The following METTL15 variants were observed in gnomAD, a reference collection of about 807,000 sequenced individuals.
METTL15 encodes methyltransferase 15, mitochondrial 12S rRNA N4-cytidine.
Under a neutral mutation model 38.3 loss-of-function variants are expected in METTL15, and 34 were observed. The ratio of observed to expected loss-of-function variants is 0.89; its 90% CI spans 0.68 to 1.18. The LOEUF is 1.18. Ranked by LOEUF, METTL15 falls within the 50% of genes most tolerant of loss-of-function variation. METTL15 has a pLI of 0.00. For missense variants in METTL15, 438 were observed against 498.4 expected (o/e 0.88, Z 1.15); for synonymous variants, 162 against 170.9 (o/e 0.95, Z 0.41).
chr11:28,205,862 G>T (rs1176918019), intron 3 of METTL15, among the ~76,000 whole-genome samples: 1 of 149,672 alleles, frequency 6.7e-6, no homozygotes, highest in Non-Finnish European at 1.5e-5. Flanking sequence ...GGCCAGTGAT[G>T]GTGAGCATTT....
chr11:28,378,761 GTT>G lies in METTL15; in HGVS notation c.*358+16742_*358+16743del, dbSNP rs61227879. Among the ~76,000 whole-genome samples, 1,189 of 123,890 alleles carry G rather than the reference GTT, an allele frequency of 9.6e-3. 10 individuals carry two copies. Among genetic ancestry groups the G allele is most frequent in the South Asian group, 0.045 (171 of 3,820 alleles). 81.3% of individuals were successfully genotyped at this position (123,890 alleles called of 152,430 possible). A position where few individuals can be genotyped will look rare whatever the true frequency, so the allele number is the denominator to read the frequency against. ...GGTTTGAAGTATTCCCTCCTCTTCA[GTT>G]TTTTTTTTTTTTTTTTGAAGATTTT... On this transcript the variant is annotated intron_variant and NMD_transcript_variant, in intron 5 of 7. Coordinates refer to the METTL15 transcript ENST00000532947.
intron 3 of METTL15, among the ~76,000 whole-genome samples, chr11:28,207,281 C>T (rs377146707): frequency 1.3e-5 from 2 of 151,910 alleles, no homozygotes; most frequent in Non-Finnish European, 2.9e-5. Context: ...GAGATACGTC[C>T]CATCAATACC....
chr11:28,122,051 G>A, intron 3 of METTL15: 2 of 698,650 alleles, frequency 2.9e-6, no homozygotes, highest in Non-Finnish European at 3.7e-6. Flanking sequence ...GATATTTTTA[G>A]TTAATAAAAG....
intron 3 of METTL15, among the ~76,000 whole-genome samples, chr11:28,142,080 A>G (rs1473599170): frequency 6.6e-6 from 1 of 152,328 alleles, no homozygotes; most frequent in East Asian, 1.9e-4. Flanking sequence ...GTTATGGGAA[A>G]AAGCAGGACA....
intron 6 of METTL15, among the ~76,000 whole-genome samples, chr11:28,499,272 A>G (rs962328616): frequency 3.3e-5 from 5 of 152,212 alleles, no homozygotes; most frequent in Admixed American, 2.6e-4. Context: ...GTGCTTGAGG[A>G]GTGTTTCAGA....
At chr11:28,494,120 TG>T (rs1229448304) in intron 6 of METTL15, among the ~76,000 whole-genome samples, 1 of 152,128 alleles carries the variant, frequency 6.6e-6, no homozygotes, top group East Asian at 1.9e-4. Flanking sequence ...GGATGAAAGA[TG>T]TCTCATTTTT....
chr11:28,232,232 A>G (rs1385233529), intron 4 of METTL15, among the ~76,000 whole-genome samples: 1 of 151,904 alleles, frequency 6.6e-6, no homozygotes, highest in Admixed American at 6.6e-5. Context: ...GATATACCAT[A>G]TCCTATCTTC....
chr11:28,196,650 G>GT (rs547919167), intron 3 of METTL15, among the ~76,000 whole-genome samples: 15 of 151,562 alleles, frequency 9.9e-5, no homozygotes, highest in Non-Finnish European at 1.8e-4. Context: ...CAAACAAATA[G>GT]TTTGATTCCC....
chr11:28,235,190 G>A (rs1180518618), intron 4 of METTL15, among the ~76,000 whole-genome samples: 1 of 152,024 alleles, frequency 6.6e-6, no homozygotes, highest in Non-Finnish European at 1.5e-5. Flanking sequence ...CCAGTACCAT[G>A]CTGTTTTGGT....
chr11:28,221,654 C>G (rs548692884), intron 4 of METTL15, among the ~76,000 whole-genome samples: 1 of 152,180 alleles, frequency 6.6e-6, no homozygotes, highest in Non-Finnish European at 1.5e-5. Flanking sequence ...TCCAGTTTTT[C>G]TGCTCTGTTT....
At chr11:28,367,749 A>G (rs1850200683) in intron 5 of METTL15, among the ~76,000 whole-genome samples, 1 of 151,972 alleles carries the variant, frequency 6.6e-6, no homozygotes, top group African/African-American at 2.4e-5. Context: ...ACCAAAATAG[A>G]TATATAGAAT....
chr11:28,158,428 C>T (rs894784688), intron 3 of METTL15, among the ~76,000 whole-genome samples: 3 of 152,176 alleles, frequency 2.0e-5, no homozygotes, highest in Non-Finnish European at 2.9e-5. Context: ...GACCTGGCTA[C>T]GGCCACTGCT....
downstream of METTL15, among the ~76,000 whole-genome samples, chr11:28,530,322 A>G (rs1851837443): frequency 6.6e-6 from 1 of 152,182 alleles, no homozygotes; most frequent in African/African-American, 2.4e-5. Flanking sequence ...CTTATAAAGC[A>G]TGTTTTCCCA....
chr11:28,225,461 G>T (rs1337254265), intron 4 of METTL15, among the ~76,000 whole-genome samples: 1 of 151,582 alleles, frequency 6.6e-6, no homozygotes, highest in African/African-American at 2.4e-5. Flanking sequence ...ACTTGATAGA[G>T]TATAGAATTC....
chr11:28,376,893 G>T (rs1217641959), intron 5 of METTL15, among the ~76,000 whole-genome samples: 1 of 140,530 alleles, frequency 7.1e-6, no homozygotes, highest in African/African-American at 2.5e-5. Context: ...TGTCTGTAAA[G>T]TATTTTATTT....
chr11:28,386,608 T>C (rs557551977), intron 5 of METTL15, among the ~76,000 whole-genome samples: 2 of 151,930 alleles, frequency 1.3e-5, no homozygotes, highest in South Asian at 4.2e-4. Flanking sequence ...GAGAAATAAA[T>C]GATAACACGT....
intron 3 of METTL15, among the ~76,000 whole-genome samples, chr11:28,185,245 T>G (rs1440279391): frequency 6.6e-6 from 1 of 151,440 alleles, no homozygotes; most frequent in Non-Finnish European, 1.5e-5. Flanking sequence ...TGAATCCCAT[T>G]TTAAATAACG....
chr11:28,492,764 G>A (rs1291156403), intron 6 of METTL15, among the ~76,000 whole-genome samples: 1 of 152,074 alleles, frequency 6.6e-6, no homozygotes, highest in Non-Finnish European at 1.5e-5. Context: ...AGTATCTTAT[G>A]TAAGTACAGA....
chr11:28,500,536 C>G (rs1429177405), intron 6 of METTL15, among the ~76,000 whole-genome samples: 1 of 144,534 alleles, frequency 6.9e-6, no homozygotes, highest in Non-Finnish European at 1.5e-5. Flanking sequence ...TTTCCAATGT[C>G]TTTTTTTTTT....
Sources: gnomAD v4.1 joint callset for allele counts (sites outside exome capture counted in the v4.1 genomes callset) on GRCh38, gnomAD v4.1.1 for gene constraint, MANE v1.5 for transcripts, NCBI Gene and HGNC (gene_info 2026-07-23, HGNC 2026-07-21) for gene names.